CLYBL: variants seen among roughly 807,000 people sequenced by gnomAD.
The protein encoded by CLYBL is citramalyl-CoA lyase, mitochondrial.
CLYBL carries 31 observed loss-of-function variants against 38.9 expected under a neutral mutation model. The observed-to-expected ratio is 0.80, with a 90% CI of 0.60 to 1.08. The LOEUF (loss-of-function observed/expected upper bound fraction) is 1.08. Among genes scored for constraint, CLYBL ranks in the 50% least tolerant of loss-of-function variants. The pLI is 0.00. For missense variants in CLYBL, 434 were observed against 411.6 expected (o/e 1.05, Z -0.47); for synonymous variants, 171 against 158.6 (o/e 1.08, Z -0.59).
intron 1 of CLYBL, 127 bp downstream of exon 1, chr13:99,606,884 A>G: frequency 1.6e-6 from 2 of 1,264,486 alleles, no homozygotes; most frequent in Admixed American, 8.5e-5. Flanking sequence ...CGGAAGCACC[A>G]TGCGCCTCCC....
intron 2 of CLYBL, among the ~76,000 whole-genome samples, chr13:99,852,168 G>A (rs1056990931): frequency 1.1e-4 from 17 of 152,214 alleles, no homozygotes; most frequent in East Asian, 5.8e-4. Flanking sequence ...TGGTTGCCTA[G>A]GTCTGGAGGG....
At chr13:99,736,826 C>T (rs2048675856) in intron 1 of CLYBL, among the ~76,000 whole-genome samples, 1 of 152,152 alleles carries the variant, frequency 6.6e-6, no homozygotes, top group Non-Finnish European at 1.5e-5. Context: ...CATTTTTTGT[C>T]TGTTGCCTTC....
downstream of CLYBL, among the ~76,000 whole-genome samples, chr13:99,901,433 G>T (rs911858705): frequency 1.3e-5 from 2 of 152,032 alleles, no homozygotes; most frequent in Non-Finnish European, 2.9e-5. Flanking sequence ...AGGACATTCC[G>T]CAATCCTTCC....
chr13:99,698,884 CT>C (rs2048019044), intron 1 of CLYBL, among the ~76,000 whole-genome samples: 1 of 152,128 alleles, frequency 6.6e-6, no homozygotes, highest in Non-Finnish European at 1.5e-5. Context: ...AGTGTGTCAC[CT>C]TTTTCTGTTG....
At position 99,865,730 on chromosome 13, in the gene CLYBL, GT is replaced by G. The variant is rs796798580; in HGVS notation, c.635-509del. Among the ~76,000 whole-genome samples, 12 of 152,310 alleles carry G rather than the reference GT, an allele frequency of 7.9e-5. No individual in the cohort carries two copies. Among genetic ancestry groups the G allele is most frequent in the African/African-American group, 2.9e-4 (12 of 41,570 alleles). ...ATGCTTTCCAGCCCTCTCAAAACAA[GT>G]GCCCTCCCGTCTCCCCAAGTTCTCC... On this transcript the variant is annotated intron_variant, in intron 5 of 8. Coordinates refer to ENST00000339105, the MANE Select transcript of CLYBL (RefSeq NM_206808.5). The surrounding 1 kb of genome is among the most constrained non-coding windows in gnomAD (Gnocchi z 4.7).
chr13:99,891,597 AC>A, intron 8 of CLYBL, 160 bp downstream of exon 8: 1 of 532,644 alleles, frequency 1.9e-6, no homozygotes, highest in Admixed American at 3.4e-5. Flanking sequence ...AAAAAAATGA[AC>A]GCTTTTCCCT....
At chr13:99,886,543 A>C (rs930359595) in intron 7 of CLYBL, among the ~76,000 whole-genome samples, 4 of 152,268 alleles carry the variant, frequency 2.6e-5, no homozygotes, top group Admixed American at 2.0e-4. Context: ...AATCATAGAC[A>C]TATGTATAGT....
intron 1 of CLYBL, among the ~76,000 whole-genome samples, chr13:99,648,688 C>T (rs2153672): frequency 0.14 from 20,643 of 152,124 alleles, 1,565 homozygotes; most frequent in African/African-American, 0.21. Flanking sequence ...GTCTTTTCTA[C>T]ACTTGCTTTG....
intron 1 of CLYBL, among the ~76,000 whole-genome samples, chr13:99,620,808 A>G (rs9513643): frequency 0.045 from 6,277 of 138,736 alleles, 461 homozygotes; most frequent in African/African-American, 0.15. Context: ...GAGAGAGAGA[A>G]AGAGAGAGAG....
chr13:99,903,969 C>T (rs1256149929), intron 8 of CLYBL, among the ~76,000 whole-genome samples: 3 of 151,700 alleles, frequency 2.0e-5, no homozygotes, highest in Non-Finnish European at 4.4e-5. Flanking sequence ...CACTTGAGCC[C>T]AAGAGTTCAA....
intron 2 of CLYBL, among the ~76,000 whole-genome samples, chr13:99,856,815 T>C (rs2051470593): frequency 6.6e-6 from 1 of 151,582 alleles, no homozygotes; most frequent in Admixed American, 6.6e-5. Flanking sequence ...ATTTTTGCAT[T>C]TTTAGTAGAG....
intron 1 of CLYBL, among the ~76,000 whole-genome samples, chr13:99,711,995 G>C (rs1427280930): frequency 3.9e-5 from 6 of 152,138 alleles, no homozygotes; most frequent in African/African-American, 1.4e-4. Context: ...GATTACAGGC[G>C]TGAGGGAGTC....
At chr13:99,641,173 G>T (rs2047087377) in intron 1 of CLYBL, among the ~76,000 whole-genome samples, 1 of 152,118 alleles carries the variant, frequency 6.6e-6, no homozygotes, top group South Asian at 2.1e-4. Flanking sequence ...TACATTGTTT[G>T]TAGTTGATAC....
intron 1 of CLYBL, among the ~76,000 whole-genome samples, chr13:99,640,777 C>A (rs1465123159): frequency 6.6e-6 from 1 of 152,230 alleles, no homozygotes; most frequent in Non-Finnish European, 1.5e-5. Flanking sequence ...TGCCCCTGCT[C>A]TTTTGTCTTA....
intron 6 of CLYBL, among the ~76,000 whole-genome samples, chr13:99,868,107 C>T (rs1008471617): frequency 6.6e-6 from 1 of 151,828 alleles, no homozygotes; most frequent in Non-Finnish European, 1.5e-5. Context: ...AGGGGGGAAG[C>T]GAGGATAATG....
intron 1 of CLYBL, among the ~76,000 whole-genome samples, chr13:99,743,971 T>C (rs1162481114): frequency 1.0e-4 from 14 of 136,346 alleles, no homozygotes; most frequent in Admixed American, 2.9e-4. Flanking sequence ...TCTTTCTTTT[T>C]TTTTTTTTTT....
intron 1 of CLYBL, among the ~76,000 whole-genome samples, chr13:99,630,831 C>A (rs2046933175): frequency 1.3e-5 from 2 of 152,150 alleles, no homozygotes; most frequent in South Asian, 2.1e-4. Flanking sequence ...AGGAAATATT[C>A]TTTTGCCTAT....
At chr13:99,748,429 GTTTTTTTTTT>G (rs1165919560) in intron 1 of CLYBL, among the ~76,000 whole-genome samples, 181 of 87,666 alleles carry the variant, frequency 2.1e-3, no homozygotes, top group Non-Finnish European at 3.2e-3. Context: ...CTAGTTTTGT[GTTTTTTTTTT>G]TTTTTTTTTT....
chr13:99,743,785 A>AAAATTGTAAT (rs530568311), intron 1 of CLYBL, among the ~76,000 whole-genome samples: 2 of 152,214 alleles, frequency 1.3e-5, no homozygotes, highest in East Asian at 3.8e-4. Flanking sequence ...TTGTAATTAC[A>AAAATTGTAAT]AAATTGTAAT....
Sources: gnomAD v4.1 joint callset for allele counts (sites outside exome capture counted in the v4.1 genomes callset) on GRCh38, gnomAD v4.1.1 for gene constraint, Gnocchi (gnomAD v3.1) non-coding constraint, MANE v1.5 for transcripts, NCBI Gene and HGNC (gene_info 2026-07-23, HGNC 2026-07-21) for gene names.